ZFYVE16: variants seen among roughly 807,000 people sequenced by gnomAD.
ZFYVE16 encodes the protein zinc finger FYVE-type containing 16, also known as zinc finger FYVE domain-containing protein 16.
Under a neutral mutation model 138.1 loss-of-function variants are expected in ZFYVE16, and 89 were observed. The observed-to-expected ratio is 0.64, with a 90% CI of 0.54 to 0.77. The LOEUF is 0.77. Ranked by LOEUF, ZFYVE16 falls within the 30% of genes least tolerant of loss-of-function variation. The probability of loss-of-function intolerance (pLI) is 0.00; values close to 1 mark genes in which losing one functional copy is unlikely to be tolerated. For missense variants in ZFYVE16, 1,793 were observed against 1,786.7 expected (o/e 1.00, Z -0.06); for synonymous variants, 596 against 618.3 (o/e 0.96, Z 0.53).
chr5:80,411,959 A>G (rs1179444195), intron 1 of ZFYVE16, among the ~76,000 whole-genome samples: 1 of 151,774 alleles, frequency 6.6e-6, no homozygotes, highest in Non-Finnish European at 1.5e-5. Context: ...CTTTTATTTC[A>G]TTTTATTATT....
chr5:80,424,422 T>C (rs1747695729), intron 1 of ZFYVE16, among the ~76,000 whole-genome samples: 1 of 152,012 alleles, frequency 6.6e-6, no homozygotes, highest in Non-Finnish European at 1.5e-5. Flanking sequence ...TTAGCTTCTT[T>C]GAAGTTTTAT....
rs144955602 is a variant in ZFYVE16 at position 80,443,649 on chromosome 5, T to C, written c.2581+365T>C. On this transcript the variant is annotated intron_variant, in intron 6 of 18. Transcript: ENST00000505560. ...ATAGTTGGTACTCAGATGACTAAAG[T>C]AGACCTCCAGATTTGATGTTAGGAG... The C allele has an allele frequency of 8.4e-4, 377 of 447,034 alleles. 2 individuals are homozygous for C. Among genetic ancestry groups the C allele is most frequent in the African/African-American group, 7.0e-3 (348 of 49,964 alleles). The allele number at this position is 447,034 out of a possible 1,614,324, so 27.7% of individuals were successfully genotyped here.
chr5:80,434,697 C>T (rs558267059), intron 3 of ZFYVE16, among the ~76,000 whole-genome samples: 8 of 152,112 alleles, frequency 5.3e-5, no homozygotes, highest in Admixed American at 6.6e-5. Context: ...TCTCGAATTC[C>T]GGGGTTCAAG....
rs1390537651 is a variant in ZFYVE16, at chr5:80,449,713, T to G, written c.3226T>G (p.Tyr1076Asp). Residue 1076 changes from tyrosine to aspartate, a missense_variant and splice_region_variant, in exon 9 of 19, where the codon TAT (tyrosine) becomes GAT (aspartate). Around this residue, in one of 2 missense-constraint regions of ZFYVE16, gnomAD observed 498 missense variants for 582.4 expected, o/e 0.86. Transcript: ENST00000505560. Reference protein sequence around the residue: ...NLLVNVKFIFYSSDKYWYFST... With the variant: ...NLLVNVKFIFDSSDKYWYFST... Reference sequence around the variant, plus strand: ...ACTCGTGAATGTCAAATTCATATTTTGTAAGTAATAATTTATCCTTATTTG... The same window carrying G: ...ACTCGTGAATGTCAAATTCATATTTGGTAAGTAATAATTTATCCTTATTTG... 8 of 1,590,644 alleles carry G rather than the reference T, an allele frequency of 5.0e-6. No individual in the cohort carries two copies. Among genetic ancestry groups the G allele is most frequent in the Non-Finnish European group, 6.8e-6 (8 of 1,171,406 alleles).
In ZFYVE16 at chr5:80,443,183, A is replaced by G; in HGVS notation, c.2480A>G (p.Asp827Gly). The G allele has an allele frequency of 1.2e-6, 2 of 1,604,108 alleles. No homozygotes were observed. The highest frequency in any genetic ancestry group is 8.5e-7 in the Non-Finnish European group (1 of 1,177,646). The stretch of plus-strand genomic sequence containing the variant: ...TCTAATCTTAAGTCTAATCATTCTG[A>G]TGAATGTACTACTGTCCAGCCTCCT... ...TGSNLKSNHS[D>G]ECTTVQPPQE... The change falls in exon 6 of 19, where the codon GAT becomes GGT. Residue 827 changes from aspartate to glycine, a missense_variant. By Grantham distance (94) the Asp-to-Gly change is moderately conservative. Transcript: ENST00000505560.
chr5:80,429,929 G>A (rs566697814), intron 2 of ZFYVE16, among the ~76,000 whole-genome samples: 2 of 152,126 alleles, frequency 1.3e-5, no homozygotes, highest in Non-Finnish European at 1.5e-5. Context: ...GAGCACCCAG[G>A]TTCATAAAGC....
intron 15 of ZFYVE16, 148 bp downstream of exon 15, chr5:80,459,642 T>G (rs1229459565): frequency 1.6e-6 from 1 of 615,068 alleles, no homozygotes; most frequent in Non-Finnish European, 2.7e-6. Context: ...GCACAAGAAG[T>G]AGAAGACTTA....
upstream of ZFYVE16, among the ~76,000 whole-genome samples, chr5:80,407,685 C>A (rs1365599189): frequency 6.6e-6 from 1 of 152,232 alleles, no homozygotes; most frequent in African/African-American, 2.4e-5. Flanking sequence ...CCAGTAGAGA[C>A]CGGAACGCCG....
At chr5:80,409,016 G>A (rs1561213138) in intron 1 of ZFYVE16, among the ~76,000 whole-genome samples, 1 of 152,066 alleles carries the variant, frequency 6.6e-6, no homozygotes, top group East Asian at 1.9e-4. Context: ...ATATTAAACC[G>A]CATGCTTAGT....
chr5:80,448,543 G>C (rs1751641761), intron 8 of ZFYVE16, 139 bp downstream of exon 8: 5 of 790,280 alleles, frequency 6.3e-6, no homozygotes, highest in Non-Finnish European at 6.9e-6. Flanking sequence ...TTTACAGAAA[G>C]TCTTATTATA....
intron 14 of ZFYVE16, among the ~76,000 whole-genome samples, chr5:80,459,019 C>T (rs551022311): frequency 1.1e-4 from 16 of 152,358 alleles, no homozygotes; most frequent in Non-Finnish European, 2.1e-4. Flanking sequence ...GAACCTCCAC[C>T]TCCTGAGTTC....
chr5:80,411,033 C>G (rs914666191), intron 1 of ZFYVE16, among the ~76,000 whole-genome samples: 1 of 151,430 alleles, frequency 6.6e-6, no homozygotes, highest in Non-Finnish European at 1.5e-5. Flanking sequence ...GTGGCACCAT[C>G]TCGGCTCACT....
chr5:80,471,369 G>T (rs1240842409), intron 15 of ZFYVE16, among the ~76,000 whole-genome samples: 3 of 152,056 alleles, frequency 2.0e-5, no homozygotes, highest in Non-Finnish European at 4.4e-5. Flanking sequence ...TCTGTTTTAA[G>T]GCTCTGTTAG....
rs150597843 is a variant in ZFYVE16 at position 80,480,569 on chromosome 5, A to AC, written c.*3196dup. 9.9e-3 allele frequency among the ~76,000 whole-genome samples: 1,511 copies of AC among 152,228 alleles called. 17 individuals are homozygous for AC. The highest frequency in any genetic ancestry group is 0.018 in the Non-Finnish European group (1,194 of 67,998). ...ATTTTAAAAACTGATGAAAGACATG[A>AC]CCCCACACATTCTAGAAGCCAGACA... On this transcript the variant is annotated 3_prime_UTR_variant, in exon 19 of 19. Coordinates refer to ENST00000505560, the MANE Select transcript of ZFYVE16 (RefSeq NM_001284236.3).
At chr5:80,429,010 G>A (rs935019341) in intron 2 of ZFYVE16, among the ~76,000 whole-genome samples, 5 of 152,194 alleles carry the variant, frequency 3.3e-5, no homozygotes, top group African/African-American at 1.2e-4. Flanking sequence ...TGGCAGAATG[G>A]AACCAAGTTG....
Position 80,437,599 on chromosome 5 carries a change from G to C in ZFYVE16, c.914G>C (p.Ser305Thr). ...GGCAAGACAAGTGCTTTGACCTGCA[G>C]CCTTCCGAAAAATGAAGATTTATGC... Reference protein sequence around the residue: ...EEGKTSALTCSLPKNEDLCLN... With the variant: ...EEGKTSALTCTLPKNEDLCLN... The change falls in exon 4 of 19, where the codon AGC becomes ACC. Residue 305 changes from serine (S) to threonine (T), a missense_variant. By Grantham distance (58) the Ser-to-Thr change is moderately conservative (BLOSUM62 1). Around this residue, in one of 2 missense-constraint regions of ZFYVE16, gnomAD observed 1,295 missense variants for 1,204.3 expected, o/e 1.08. Transcript: ENST00000505560. 6.2e-7 allele frequency: 1 copy of C among 1,613,186 alleles called. No individual in the cohort carries two copies. The highest frequency in any genetic ancestry group is 8.5e-7 in the Non-Finnish European group (1 of 1,179,724).
chr5:80,419,896 C>T (rs1239033243), intron 1 of ZFYVE16, among the ~76,000 whole-genome samples: 1 of 151,792 alleles, frequency 6.6e-6, no homozygotes, highest in Non-Finnish European at 1.5e-5. Context: ...ACTGCAACAT[C>T]CGCCTCCCGG....
In ZFYVE16 at chr5:80,437,436, C is replaced by G. The variant is rs772821210; in HGVS notation, c.751C>G (p.Gln251Glu). The change falls in exon 4 of 19, where the codon CAA becomes GAA. Residue 251 changes from glutamine (Q) to glutamate (E), a missense_variant. Physicochemically the swap from Gln to Glu is conservative, Grantham distance 29. Transcript: ENST00000505560. ...TAACATGTCATCTGCTTTGACTCGA[C>G]AAAGTTCCAAAATGTTTCATGCCAA... is the stretch of plus-strand genomic sequence containing the variant. ...DFNMSSALTR[Q>E]SSKMFHAKDK... 3 of 1,602,108 alleles carry G rather than the reference C, an allele frequency of 1.9e-6. No individual in the cohort carries two copies. The Admixed American group carries it at 5.3e-5, about 28-fold the overall frequency.
In ZFYVE16 at chr5:80,444,715, C is replaced by T. The variant is rs115693268; in HGVS notation, c.2582-548C>T. 5.3e-3 allele frequency among the ~76,000 whole-genome samples: 801 copies of T among 151,530 alleles called. 4 individuals carry two copies. The highest frequency in any genetic ancestry group is 0.018 in the African/African-American group (739 of 41,336). ...GTGATATTAAGACATTTCAAGTGAT[C>T]CTGTTACCTTTTTTTAGGTTTTTAA... is the stretch of plus-strand genomic sequence containing the variant. On this transcript the variant is annotated intron_variant, in intron 6 of 18. Coordinates refer to ENST00000505560, the MANE Select transcript of ZFYVE16 (RefSeq NM_001284236.3).
Sources: allele counts gnomAD v4.1 joint callset (sites outside exome capture counted in the v4.1 genomes callset), GRCh38; gene constraint gnomAD v4.1.1; regional missense constraint gnomAD v4.1.1; transcripts MANE v1.5; gene names NCBI Gene and HGNC (gene_info 2026-07-23, HGNC 2026-07-21).